NXPE2: variants seen among roughly 807,000 people sequenced by gnomAD.
The protein encoded by NXPE2 is neurexophilin and PC-esterase domain family member 2.
In NXPE2, 34 loss-of-function variants were observed where a neutral mutation model predicts 34.4. The ratio of observed to expected loss-of-function variants is 0.99; its 90% CI spans 0.75 to 1.31. The LOEUF (loss-of-function observed/expected upper bound fraction) is 1.31. Among genes scored for constraint, NXPE2 ranks in the 40% most tolerant of loss-of-function variants. NXPE2 has a pLI of 0.00. For synonymous variants in NXPE2, 235 were observed against 231.3 expected (o/e 1.02, Z -0.15); for missense variants, 649 against 672.5 (o/e 0.97, Z 0.39).
the NXPE2 span, among the ~76,000 whole-genome samples, chr11:114,736,181 C>A: frequency 6.6e-6 from 1 of 152,136 alleles, no homozygotes; most frequent in Non-Finnish European, 1.5e-5. Context: ...GTTTTTGACA[C>A]CATTGTAATT....
the NXPE2 span, among the ~76,000 whole-genome samples, chr11:114,740,151 C>A: frequency 6.6e-6 from 1 of 152,010 alleles, no homozygotes; most frequent in South Asian, 2.1e-4. Context: ...ACAATTATAA[C>A]AATAGACTGT....
chr11:114,773,443 G>A, the NXPE2 span, among the ~76,000 whole-genome samples: 53 of 151,948 alleles, frequency 3.5e-4, no homozygotes, highest in African/African-American at 1.2e-3. Context: ...TCTAAAGAAT[G>A]ACCTTCTTTC....
chr11:114,487,599 C>G, the NXPE2 span, among the ~76,000 whole-genome samples: 1 of 152,094 alleles, frequency 6.6e-6, no homozygotes, highest in East Asian at 1.9e-4. Flanking sequence ...TGTTCCAGAT[C>G]TTAGAGAAAA....
the NXPE2 span, among the ~76,000 whole-genome samples, chr11:114,479,689 G>A: frequency 6.6e-6 from 1 of 152,136 alleles, no homozygotes. Context: ...TAGGAGACAG[G>A]GCTGGAGTTT....
chr11:114,632,926 T>G, the NXPE2 span, among the ~76,000 whole-genome samples: 2 of 95,820 alleles, frequency 2.1e-5, no homozygotes, highest in South Asian at 6.0e-4. Flanking sequence ...TTTATATAAT[T>G]ATATAATAAT....
chr11:114,601,986 A>T, the NXPE2 span, among the ~76,000 whole-genome samples: 1 of 87,806 alleles, frequency 1.1e-5, no homozygotes, highest in South Asian at 3.7e-4. Flanking sequence ...GTTATATATA[A>T]TATATAATGT....
the NXPE2 span, among the ~76,000 whole-genome samples, chr11:114,666,805 T>C: frequency 6.6e-6 from 1 of 152,128 alleles, no homozygotes; most frequent in Non-Finnish European, 1.5e-5. Context: ...TTTCCTTGTA[T>C]TTACAACATT....
Position 114,698,287 on chromosome 11 carries a change from G to T in NXPE2, c.375G>T (p.Arg125Ser), listed in dbSNP as rs749331686. ...TCAACCCTCAAGATACGTACTGCAG[G>T]GGGGATCAGCTGGACATCCTTCTGG... ...TILNPQDTYCRGDQLDILLEV... is the reference protein window; with the variant it reads ...TILNPQDTYCSGDQLDILLEV... Residue 125 changes from arginine (R) to serine (S), a missense_variant, in exon 3 of 6, where the codon AGG becomes AGT. Arg to Ser is a moderately radical substitution (Grantham distance 110). Coordinates refer to ENST00000389586, the MANE Select transcript of NXPE2 (RefSeq NM_182495.6). The T allele has an allele frequency of 1.9e-6, 3 of 1,613,602 alleles. No homozygotes were observed. Among genetic ancestry groups the T allele is most frequent in the African/African-American group, 1.3e-5 (1 of 74,918 alleles).
At chr11:114,642,806 AT>A in the NXPE2 span, among the ~76,000 whole-genome samples, 4 of 152,052 alleles carry the variant, frequency 2.6e-5, no homozygotes, top group Non-Finnish European at 5.9e-5. Flanking sequence ...GTCAAATGGC[AT>A]TTCTAGTTCT....
the NXPE2 span, among the ~76,000 whole-genome samples, chr11:114,521,028 C>G: frequency 3.6e-4 from 55 of 152,300 alleles, no homozygotes; most frequent in Non-Finnish European, 6.2e-4. Flanking sequence ...CTGATGATCT[C>G]TGCCTTATTT....
intron 3 of NXPE2, among the ~76,000 whole-genome samples, chr11:114,702,953 G>C (rs751428772): frequency 6.6e-6 from 1 of 152,168 alleles, no homozygotes; most frequent in Non-Finnish European, 1.5e-5. Context: ...GGCTCTGAAA[G>C]GGCCTACCTT....
At chr11:114,562,693 T>G in the NXPE2 span, among the ~76,000 whole-genome samples, 1 of 152,224 alleles carries the variant, frequency 6.6e-6, no homozygotes, top group Non-Finnish European at 1.5e-5. Flanking sequence ...TCAGTCGTTG[T>G]ATCCAATCAC....
the NXPE2 span, chr11:114,513,164 T>C: frequency 3.6e-6 from 2 of 555,006 alleles, no homozygotes; most frequent in East Asian, 9.5e-5. Context: ...GCCATATTGC[T>C]TCCTATGTCC....
chr11:114,583,970 A>AT, the NXPE2 span: 1 of 375,916 alleles, frequency 2.7e-6, no homozygotes, highest in Non-Finnish European at 5.2e-6. Context: ...CTATGAGGCC[A>AT]TTTTCAAACT....
At chr11:114,626,093 T>A in the NXPE2 span, among the ~76,000 whole-genome samples, 2 of 152,038 alleles carry the variant, frequency 1.3e-5, no homozygotes, top group Non-Finnish European at 2.9e-5. Context: ...GCAGCGAGGC[T>A]GGGAGAGGGG....
the NXPE2 span, among the ~76,000 whole-genome samples, chr11:114,608,246 T>G: frequency 6.6e-6 from 1 of 150,798 alleles, no homozygotes; most frequent in Non-Finnish European, 1.5e-5. Context: ...TGTTGCCCTG[T>G]GTATAAAAGT....
the NXPE2 span, among the ~76,000 whole-genome samples, chr11:114,503,801 G>A: frequency 6.6e-6 from 1 of 152,328 alleles, no homozygotes; most frequent in Admixed American, 6.5e-5. Flanking sequence ...GGTCCATAGT[G>A]TATCCAATAC....
At chr11:114,629,070 C>A in the NXPE2 span, among the ~76,000 whole-genome samples, 1 of 152,058 alleles carries the variant, frequency 6.6e-6, no homozygotes, top group Non-Finnish European at 1.5e-5. Context: ...CAGATGGATT[C>A]ACAGTCGAAT....
At chr11:114,697,208 TC>T (rs1218743133) in intron 2 of NXPE2, among the ~76,000 whole-genome samples, 3 of 152,150 alleles carry the variant, frequency 2.0e-5, no homozygotes, top group Non-Finnish European at 4.4e-5. Flanking sequence ...GATGAGATCA[TC>T]CTGGATTAAG....
Sources: gnomAD v4.1 joint callset for allele counts (sites outside exome capture counted in the v4.1 genomes callset) on GRCh38, gnomAD v4.1.1 for gene constraint, MANE v1.5 for transcripts, NCBI Gene and HGNC (gene_info 2026-07-23, HGNC 2026-07-21) for gene names.